The following MGAT4A variants were observed in gnomAD, a reference collection of about 807,000 sequenced individuals.
The protein encoded by MGAT4A is alpha-1,3-mannosyl-glycoprotein 4-beta-N-acetylglucosaminyltransferase A.
In MGAT4A, 33 loss-of-function variants were observed where a neutral mutation model predicts 74.1. The ratio of observed to expected loss-of-function variants is 0.45; its 90% CI spans 0.34 to 0.60. MGAT4A has a LOEUF of 0.60. MGAT4A is among the 20% of genes least tolerant of loss of function. The pLI, the probability that MGAT4A is intolerant of heterozygous loss-of-function variation, is 0.02. For missense variants in MGAT4A, 479 were observed against 628.3 expected, an observed-to-expected ratio of 0.76 and a Z score of 2.54; for synonymous variants, 198 against 210.4, an observed-to-expected ratio of 0.94 and a Z score of 0.51.
At chr2:98,657,266 GTTC>G (rs1212677770) in intron 6 of MGAT4A, among the ~76,000 whole-genome samples, 1 of 152,188 alleles carries the variant, frequency 6.6e-6, no homozygotes, top group Non-Finnish European at 1.5e-5. Flanking sequence ...TTGCACAAAT[GTTC>G]TTAATGTTTA....
At chr2:98,700,585 T>C (rs1047756206) in intron 2 of MGAT4A, among the ~76,000 whole-genome samples, 1 of 152,078 alleles carries the variant, frequency 6.6e-6, no homozygotes, top group Non-Finnish European at 1.5e-5. Context: ...TATTTAAAAT[T>C]CATTTAAAAG....
At chr2:98,639,597 G>A (rs896087223) in intron 12 of MGAT4A, among the ~76,000 whole-genome samples, 1 of 151,890 alleles carries the variant, frequency 6.6e-6, no homozygotes. Context: ...TACCAATGAA[G>A]TTCACCAAAC....
At chr2:98,713,637 A>G (rs1341272335) in intron 2 of MGAT4A, among the ~76,000 whole-genome samples, 1 of 152,168 alleles carries the variant, frequency 6.6e-6, no homozygotes, top group Admixed American at 6.5e-5. Flanking sequence ...TAAATCAGAA[A>G]ATAGTGAGAC....
chr2:98,639,763 A>C, intron 12 of MGAT4A, 45 bp downstream of exon 12: 1 of 1,505,944 alleles, frequency 6.6e-7, no homozygotes, highest in Non-Finnish European at 9.1e-7. Flanking sequence ...ATTACGAATA[A>C]GAGATCCAAA....
intron 2 of MGAT4A, among the ~76,000 whole-genome samples, chr2:98,691,221 A>G (rs1290300724): frequency 6.6e-6 from 1 of 152,164 alleles, no homozygotes; most frequent in Non-Finnish European, 1.5e-5. Context: ...TGGAAGGTTG[A>G]GGCAAGAGGA....
At chr2:98,655,629 T>C (rs578229607) in intron 7 of MGAT4A, 109 bp from the exon 8 acceptor site, 60 of 693,066 alleles carry the variant, frequency 8.7e-5, no homozygotes, top group Admixed American at 3.3e-4. Flanking sequence ...TCTATGTATA[T>C]GTGTACACAC....
chr2:98,622,572 C>T lies in MGAT4A; in HGVS notation c.*2994G>A, dbSNP rs1701076907. ...TTCCCCTCCCTTAATCTTCTGCCCT[C>T]ACACTGCTCTTAAGGGCGACCACTA... On this transcript the variant is annotated 3_prime_UTR_variant, in exon 16 of 16. Transcript: ENST00000393487. 2 of 985,336 alleles carry T rather than the reference C, an allele frequency of 2.0e-6. No individual in the cohort carries two copies. The highest frequency in any genetic ancestry group is 2.4e-6 in the Non-Finnish European group (2 of 829,964). 61.0% of individuals were successfully genotyped at this position (985,336 alleles called of 1,614,324 possible).
intron 1 of MGAT4A, among the ~76,000 whole-genome samples, chr2:98,729,970 T>C (rs2104343516): frequency 6.6e-6 from 1 of 152,374 alleles, no homozygotes; most frequent in African/African-American, 2.4e-5. Flanking sequence ...CCCAGTGCGT[T>C]TTCGGGTTTA....
chr2:98,640,856 TA>T (rs1701396801), intron 10 of MGAT4A, among the ~76,000 whole-genome samples: 1 of 152,086 alleles, frequency 6.6e-6, no homozygotes, highest in Non-Finnish European at 1.5e-5. Context: ...AACTATAGAC[TA>T]GGGGGTTAGT....
intron 8 of MGAT4A, among the ~76,000 whole-genome samples, chr2:98,649,206 T>TAA (rs1701540567): frequency 6.6e-6 from 1 of 151,962 alleles, no homozygotes; most frequent in Non-Finnish European, 1.5e-5. Flanking sequence ...CTATCAACAG[T>TAA]ATGTTAAGTG....
intron 5 of MGAT4A, among the ~76,000 whole-genome samples, chr2:98,659,494 A>G (rs1343308518): frequency 6.6e-6 from 1 of 152,016 alleles, no homozygotes; most frequent in Non-Finnish European, 1.5e-5. Flanking sequence ...CCCTATTGAT[A>G]TGGTTTGGCG....
At chr2:98,665,373 C>A (rs1170668664) in intron 4 of MGAT4A, among the ~76,000 whole-genome samples, 2 of 149,248 alleles carry the variant, frequency 1.3e-5, no homozygotes, top group African/African-American at 2.5e-5. Context: ...CAGAAGGGAG[C>A]GTAAAGACCA....
chr2:98,623,920 G>C lies in MGAT4A; in HGVS notation c.*1646C>G. On this transcript the variant is annotated 3_prime_UTR_variant, in exon 16 of 16. Coordinates refer to ENST00000393487, the MANE Select transcript of MGAT4A (RefSeq NM_012214.3). ...CAGTGGTCACTCTGAAAGCTCAGCAGAATCCATCTCTGCCCGTCTGCAACC... is the reference window on the plus strand; with the variant it reads ...CAGTGGTCACTCTGAAAGCTCAGCACAATCCATCTCTGCCCGTCTGCAACC... 1.0e-6 allele frequency: 1 copy of C among 985,456 alleles called. No homozygotes were observed. Among genetic ancestry groups the C allele is most frequent in the Non-Finnish European group, 1.2e-6 (1 of 829,978 alleles). 61.0% of individuals were successfully genotyped at this position (985,456 alleles called of 1,614,324 possible). A position where few individuals can be genotyped will look rare whatever the true frequency, so the allele number is the denominator to read the frequency against.
intron 8 of MGAT4A, among the ~76,000 whole-genome samples, chr2:98,654,686 T>C (rs1701633882): frequency 1.3e-5 from 2 of 152,150 alleles, no homozygotes; most frequent in South Asian, 2.1e-4. Flanking sequence ...TGCTCATGTA[T>C]TGGAAGACTT....
chr2:98,729,876 A>C (rs1164758303), intron 1 of MGAT4A, among the ~76,000 whole-genome samples: 2 of 152,152 alleles, frequency 1.3e-5, no homozygotes, highest in Non-Finnish European at 2.9e-5. Context: ...AACTTTACAC[A>C]CCACAATTGT....
rs116196372 is a variant in MGAT4A, at chr2:98,671,714, T to C, written c.403+3321A>G. The stretch of plus-strand genomic sequence containing the variant: ...GAGCCTCTGAATATGTTACCTTACA[T>C]GGCAAAAGGGACTTTGCAGATGTGA... On this transcript the variant is annotated intron_variant, in intron 4 of 15. Coordinates refer to ENST00000393487, the MANE Select transcript of MGAT4A (RefSeq NM_012214.3). Among the ~76,000 whole-genome samples the C allele has an allele frequency of 4.7e-3, 710 of 152,268 alleles. 5 individuals are homozygous for C. The highest frequency in any genetic ancestry group is 0.016 in the African/African-American group (669 of 41,568).
At chr2:98,720,482 C>T (rs899027461) in intron 2 of MGAT4A, among the ~76,000 whole-genome samples, 2 of 152,200 alleles carry the variant, frequency 1.3e-5, no homozygotes, top group Non-Finnish European at 2.9e-5. Context: ...TATCCTCAGG[C>T]CTTTGGACTG....
In MGAT4A at chr2:98,622,661, G is replaced by A. The variant is rs1701078104; in HGVS notation, c.*2905C>T. On this transcript the variant is annotated 3_prime_UTR_variant, in exon 16 of 16. Transcript: ENST00000393487. ...GTTGAGTGCAGAACTGGGCAGAAAG[G>A]AGGGAGTAACTAACAGTGAGAGGCC... is the stretch of plus-strand genomic sequence containing the variant. The A allele has an allele frequency of 1.0e-6, 1 of 985,500 alleles. No homozygotes were observed. The highest frequency in any genetic ancestry group is 6.1e-5 in the Admixed American group (1 of 16,266). The allele number at this position is 985,500 out of a possible 1,614,324, so 61.0% of individuals were successfully genotyped here.
intron 10 of MGAT4A, among the ~76,000 whole-genome samples, chr2:98,641,115 A>G (rs1701401510): frequency 6.6e-6 from 1 of 152,162 alleles, no homozygotes; most frequent in Admixed American, 6.5e-5. Flanking sequence ...CTGGCGTGTG[A>G]AGGCTGTGCA....
Sources: gnomAD v4.1 joint callset for allele counts (sites outside exome capture counted in the v4.1 genomes callset) on GRCh38, gnomAD v4.1.1 for gene constraint, MANE v1.5 for transcripts, NCBI Gene and HGNC (gene_info 2026-07-23, HGNC 2026-07-21) for gene names.